PARP16: variants seen among roughly 807,000 people sequenced by gnomAD.
The protein encoded by PARP16 is poly(ADP-ribose) polymerase family member 16, also known as protein mono-ADP-ribosyltransferase PARP16.
A neutral mutation model predicts 35.0 loss-of-function variants in PARP16; 31 were observed. That is an observed-to-expected ratio of 0.88 (90% CI 0.66 to 1.19). The LOEUF (loss-of-function observed/expected upper bound fraction) is 1.19. PARP16 is among the 50% of genes most tolerant of loss of function. The pLI, the probability that PARP16 is intolerant of heterozygous loss-of-function variation, is 0.00. For missense variants in PARP16, 424 were observed against 411.2 expected (o/e 1.03, Z -0.27); for synonymous variants, 162 against 169.5 (o/e 0.96, Z 0.34).
At chr15:65,235,834 T>TAA (rs144070210) in intron 3 of PARP16, among the ~76,000 whole-genome samples, 91 of 126,224 alleles carry the variant, frequency 7.2e-4, no homozygotes, top group African/African-American at 2.5e-3. Context: ...GACCCTGTCT[T>TAA]AAAAAAAAAA....
downstream of PARP16, among the ~76,000 whole-genome samples, chr15:65,256,407 CTTT>C (rs11422149): frequency 8.2e-6 from 1 of 121,506 alleles, no homozygotes; most frequent in African/African-American, 3.0e-5. Context: ...CTGCCCACGG[CTTT>C]TTTTTTTTTT....
chr15:65,279,309 C>T (rs1007773055), intron 1 of PARP16, among the ~76,000 whole-genome samples: 7 of 152,172 alleles, frequency 4.6e-5, no homozygotes, highest in African/African-American at 1.4e-4. Context: ...TAGTGTGGTA[C>T]AGGTGTTGGT....
At chr15:65,256,897 G>C (rs2089529603), downstream of PARP16, among the ~76,000 whole-genome samples, 1 of 152,166 alleles carries the variant, frequency 6.6e-6, no homozygotes, top group African/African-American at 2.4e-5. Context: ...ATTCCTCTGG[G>C]GGAAGGAGAT....
At chr15:65,266,845 C>T (rs992270940) in intron 2 of PARP16, 77 bp from the exon 3 acceptor site, 7 of 1,012,002 alleles carry the variant, frequency 6.9e-6, no homozygotes, top group East Asian at 2.6e-5. Flanking sequence ...CCTAAACTCT[C>T]AGGCTTAACT....
chr15:65,251,591 T>C (rs1595995242), intron 2 of PARP16, among the ~76,000 whole-genome samples: 1 of 143,346 alleles, frequency 7.0e-6, no homozygotes, highest in African/African-American at 2.5e-5. Flanking sequence ...AAAATGCAAG[T>C]CTCTTTCCCA....
intron 3 of PARP16, among the ~76,000 whole-genome samples, chr15:65,239,591 TTTCTGCCATTAC>T (rs1264869487): frequency 1.3e-5 from 2 of 151,604 alleles, no homozygotes; most frequent in African/African-American, 4.8e-5. Context: ...ACTGATATGC[TTTCTGCCATTAC>T]CAACTAGTTT....
At chr15:65,255,553 T>C (rs1182650321), downstream of PARP16, among the ~76,000 whole-genome samples, 1 of 151,406 alleles carries the variant, frequency 6.6e-6, no homozygotes, top group Non-Finnish European at 1.5e-5. Context: ...ACTCCAGAGT[T>C]TTCCTTCCCC....
intron 2 of PARP16, among the ~76,000 whole-genome samples, chr15:65,268,196 C>A (rs547345495): frequency 6.6e-6 from 1 of 152,172 alleles, no homozygotes; most frequent in South Asian, 2.1e-4. Flanking sequence ...CTTTGGCCAA[C>A]GGGACATTAA....
In PARP16 at chr15:65,261,060, G is replaced by A. The variant is rs763631134; in HGVS notation, c.692-34C>T. On this transcript the variant is annotated intron_variant, in intron 4 of 5. Transcript: ENST00000649807. ...GGAGAGTAAAACACATCTTCACTGGGGGAAACAGAACTAAGGAAGCACATT... is the reference window on the plus strand; with the variant it reads ...GGAGAGTAAAACACATCTTCACTGGAGGAAACAGAACTAAGGAAGCACATT... 1.4e-5 allele frequency: 22 copies of A among 1,600,496 alleles called. No homozygotes were observed. The East Asian group carries it at 4.9e-4, about 36-fold the overall frequency.
chr15:65,237,779 G>A (rs2088927020), intron 3 of PARP16, among the ~76,000 whole-genome samples: 1 of 152,190 alleles, frequency 6.6e-6, no homozygotes, highest in African/African-American at 2.4e-5. Flanking sequence ...GTTGTTCTAA[G>A]CTGCCCAGTC....
chr15:65,281,651 A>G (rs2090425283), intron 1 of PARP16, among the ~76,000 whole-genome samples: 1 of 150,262 alleles, frequency 6.7e-6, no homozygotes, highest in South Asian at 2.1e-4. Context: ...AGACCGCGCC[A>G]TTGCACTCCA....
chr15:65,231,742 T>C (rs1444537547), downstream of PARP16, among the ~76,000 whole-genome samples: 1 of 152,122 alleles, frequency 6.6e-6, no homozygotes, highest in Non-Finnish European at 1.5e-5. Context: ...GCCGCCATGC[T>C]TGGCCTGTGT....
downstream of PARP16, among the ~76,000 whole-genome samples, chr15:65,255,140 C>A (rs748225878): frequency 1.3e-5 from 2 of 152,108 alleles, no homozygotes; most frequent in Non-Finnish European, 2.9e-5. Flanking sequence ...ATGGGATCTC[C>A]CTGAGATTTT....
chr15:65,277,285 G>A (rs1406552102), intron 1 of PARP16, among the ~76,000 whole-genome samples: 1 of 152,016 alleles, frequency 6.6e-6, no homozygotes, highest in Non-Finnish European at 1.5e-5. Flanking sequence ...TACAACCTCT[G>A]TACTCAATAA....
At chr15:65,269,967 G>A (rs2090041685) in intron 2 of PARP16, among the ~76,000 whole-genome samples, 1 of 152,148 alleles carries the variant, frequency 6.6e-6, no homozygotes, top group Admixed American at 6.5e-5. Flanking sequence ...ACCCAGCCTG[G>A]AACTGAATAC....
chr15:65,257,453 G>T (rs2089548860), downstream of PARP16, among the ~76,000 whole-genome samples: 2 of 148,706 alleles, frequency 1.3e-5, no homozygotes, highest in Admixed American at 6.7e-5. Flanking sequence ...ATTTAAGAAA[G>T]AAATAAAATA....
chr15:65,239,666 T>C (rs1337507440), intron 3 of PARP16, among the ~76,000 whole-genome samples: 1 of 149,082 alleles, frequency 6.7e-6, no homozygotes, highest in Non-Finnish European at 1.5e-5. Context: ...TTTCTTTTTT[T>C]TTTTTTTTGA....
Position 65,286,680 on chromosome 15 carries a change from G to A in PARP16, c.-254C>T. 1 of 433,676 alleles carries A rather than the reference G, an allele frequency of 2.3e-6. No homozygotes were observed. Among genetic ancestry groups the A allele is most frequent in the Non-Finnish European group, 4.1e-6 (1 of 244,848 alleles). The allele number at this position is 433,676 out of a possible 1,614,324, so 26.9% of individuals were successfully genotyped here. A position where few individuals can be genotyped will look rare whatever the true frequency, so the allele number is the denominator to read the frequency against. On this transcript the variant is annotated 5_prime_UTR_variant, in exon 1 of 6. Coordinates refer to ENST00000649807, the MANE Select transcript of PARP16 (RefSeq NM_001316943.2). ...TGGACCGCGGGTCGGCGGGGAGGTT[G>A]GGCCCAGGGATAAAGGAACTGGGGC...
In PARP16 at chr15:65,270,976, A is replaced by AT. The variant is rs1373831098; in HGVS notation, c.270dup (p.Ser91IlefsTer16). 2 of 1,614,040 alleles carry AT rather than the reference A, an allele frequency of 1.2e-6. No individual in the cohort carries two copies. The highest frequency in any genetic ancestry group is 2.7e-5 in the African/African-American group (2 of 74,896). On this transcript the variant is annotated frameshift_variant, in exon 2 of 6. Transcript: ENST00000649807. LOFTEE classifies it high-confidence loss of function. ...CTGTGGATTGTCAGGACCTTTGAGGATAAAATCCAGCTCACCAGGTCCCAG... is the reference window on the plus strand; with the variant it reads ...CTGTGGATTGTCAGGACCTTTGAGGATTAAAATCCAGCTCACCAGGTCCCAG...
Sources: gnomAD v4.1 joint callset for allele counts (sites outside exome capture counted in the v4.1 genomes callset) on GRCh38, gnomAD v4.1.1 for gene constraint, MANE v1.5 for transcripts, NCBI Gene and HGNC (gene_info 2026-07-23, HGNC 2026-07-21) for gene names.